The following PTGR1 variants were observed in gnomAD, a reference collection of about 807,000 sequenced individuals.
PTGR1 encodes the protein prostaglandin reductase 1.
Under a neutral mutation model 37.7 loss-of-function variants are expected in PTGR1, and 23 were observed. That is an observed-to-expected ratio of 0.61 (90% CI 0.44 to 0.86). The LOEUF is 0.86. Among genes scored for constraint, PTGR1 ranks in the 40% least tolerant of loss-of-function variants. The pLI, the probability that PTGR1 is intolerant of heterozygous loss-of-function variation, is 0.00. For synonymous variants in PTGR1, 134 were observed against 140.0 expected, an observed-to-expected ratio of 0.96 and a Z score of 0.30; for missense variants, 351 against 394.3, an observed-to-expected ratio of 0.89 and a Z score of 0.93.
chr9:111,574,967 C>T, intron 7 of PTGR1, 125 bp from the exon 8 acceptor site: 1 of 735,756 alleles, frequency 1.4e-6, no homozygotes, highest in Non-Finnish European at 2.2e-6. Context: ...TGAATTAGCC[C>T]AACAGTGCAG....
intron 6 of PTGR1, among the ~76,000 whole-genome samples, chr9:111,579,610 C>T (rs2132397278): frequency 1.3e-5 from 2 of 152,206 alleles, no homozygotes; most frequent in Admixed American, 1.3e-4. Flanking sequence ...ATTGCCCAGG[C>T]TGATCTCGAA....
chr9:111,569,986 A>G (rs1828735639), intron 9 of PTGR1, 105 bp downstream of exon 9: 1 of 1,546,054 alleles, frequency 6.5e-7, no homozygotes, highest in Admixed American at 1.9e-5. Flanking sequence ...GGAAAAACTG[A>G]CGATGCGGCA....
intron 4 of PTGR1, 53 bp downstream of exon 4, chr9:111,592,873 G>C (rs973673789): frequency 6.3e-7 from 1 of 1,581,486 alleles, no homozygotes. Flanking sequence ...GACCCAGCAG[G>C]AGGTAAAGAG....
intron 9 of PTGR1, among the ~76,000 whole-genome samples, chr9:111,553,400 T>C (rs1036011892): frequency 1.3e-5 from 2 of 152,220 alleles, no homozygotes; most frequent in African/African-American, 4.8e-5. Flanking sequence ...AAAATAATTA[T>C]AATGAAAATA....
intron 5 of PTGR1, 88 bp from the exon 6 acceptor site, chr9:111,583,677 G>T: frequency 9.4e-7 from 1 of 1,063,824 alleles, no homozygotes; most frequent in Non-Finnish European, 1.4e-6. Context: ...CTTCTCAGTG[G>T]CCCAGTGCCA....
rs370218983 is a variant in PTGR1, at chr9:111,583,995, G to A, written c.378-406C>T. 3.3e-5 allele frequency among the ~76,000 whole-genome samples: 5 copies of A among 152,200 alleles called. No homozygotes were observed. The East Asian group carries it at 7.7e-4, about 23-fold the overall frequency. ...GTTATCATGGCGACATAGCCACAGA[G>A]TAGCTACAATGCTGTGATATTAGGC... On this transcript the variant is annotated intron_variant, in intron 5 of 9. Transcript: ENST00000407693.
intron 8 of PTGR1, among the ~76,000 whole-genome samples, 186 bp downstream of exon 8, chr9:111,574,548 C>T (rs1219201358): frequency 6.6e-6 from 1 of 151,112 alleles, no homozygotes; most frequent in Non-Finnish European, 1.5e-5. Flanking sequence ...GGCATTTTGC[C>T]ATGTTGCCCA....
At chr9:111,576,272 TG>T in intron 7 of PTGR1, 2 of 1,309,624 alleles carry the variant, frequency 1.5e-6, no homozygotes, top group East Asian at 4.6e-5. Flanking sequence ...TCATTATTAG[TG>T]GATTTCATAT....
rs535194331 is a variant in PTGR1, at chr9:111,568,097, G to A, written c.879+1994C>T. On this transcript the variant is annotated intron_variant, in intron 9 of 9. Transcript: ENST00000407693. The stretch of plus-strand genomic sequence containing the variant: ...TCTTGAAAAAGAACAGAATAACAGC[G>A]ATTTTCAGGGAACAAGGGAAGACAA... Among the ~76,000 whole-genome samples, 5 of 152,224 alleles carry A rather than the reference G, an allele frequency of 3.3e-5. No homozygotes were observed. In the East Asian group the frequency reaches 5.8e-4, roughly 18 times the overall value.
At chr9:111,568,231 T>C (rs1054366596) in intron 9 of PTGR1, among the ~76,000 whole-genome samples, 2 of 152,180 alleles carry the variant, frequency 1.3e-5, no homozygotes, top group Non-Finnish European at 1.5e-5. Context: ...CTAAATTCTT[T>C]TCCTAGCAAG....
intron 5 of PTGR1, 35 bp from the exon 6 acceptor site, chr9:111,583,624 T>C (rs1445418127): frequency 6.7e-7 from 1 of 1,493,904 alleles, no homozygotes; most frequent in South Asian, 1.1e-5. Context: ...ATGAATAGAG[T>C]TGTTTCTTTC....
At chr9:111,575,770 G>T (rs1476058486) in intron 7 of PTGR1, among the ~76,000 whole-genome samples, 1 of 151,898 alleles carries the variant, frequency 6.6e-6, no homozygotes, top group African/African-American at 2.4e-5. Flanking sequence ...AGACCTGAAT[G>T]TAACAGCTAA....
At chr9:111,561,090 TATATATATATATATATATATAGAG>T (rs1828285928), downstream of PTGR1, among the ~76,000 whole-genome samples, 1 of 24,384 alleles carries the variant, frequency 4.1e-5, no homozygotes, top group Non-Finnish European at 7.3e-5. Flanking sequence ...CTAAAATATA[TATATATATATATATATATATAGAG>T]AGAGAGAGAG....
downstream of PTGR1, among the ~76,000 whole-genome samples, chr9:111,562,182 G>C (rs771693115): frequency 5.3e-5 from 8 of 149,834 alleles, no homozygotes; most frequent in Non-Finnish European, 1.0e-4. Context: ...CTATGCTGGT[G>C]TTTTAAATAA....
chr9:111,570,252 G>T (rs1410290986), intron 8 of PTGR1, 43 bp from the exon 9 acceptor site: 1 of 1,585,196 alleles, frequency 6.3e-7, no homozygotes, highest in Admixed American at 1.8e-5. Flanking sequence ...ATCCAGGGAG[G>T]TGCCCATGGT....
At chr9:111,597,083 A>T (rs1468761739) in intron 2 of PTGR1, among the ~76,000 whole-genome samples, 1 of 152,186 alleles carries the variant, frequency 6.6e-6, no homozygotes, top group East Asian at 1.9e-4. Context: ...CCCAACAGAA[A>T]GCCTGCTAAT....
chr9:111,561,102 T>G (rs551053682), downstream of PTGR1, among the ~76,000 whole-genome samples: 31 of 29,340 alleles, frequency 1.1e-3, 3 homozygotes, highest in Admixed American at 1.9e-3. Context: ...TATATATATA[T>G]ATATATATAG....
intron 7 of PTGR1, chr9:111,575,399 C>T (rs1829015287): frequency 1.3e-5 from 2 of 152,248 alleles, no homozygotes; most frequent in Admixed American, 1.3e-4. Flanking sequence ...TATTGAGGTT[C>T]TCTGATCAGT....
At position 111,570,131 on chromosome 9, in the gene PTGR1, C is replaced by T. The variant is rs770310571; in HGVS notation, c.839G>A (p.Arg280His). ...FVVYRWQGDA[R>H]QKALKDLLKW... is the part of the protein sequence containing the mutation. ...CAGCAAGTCCTTCAGAGCTTTTTGGCGGGCATCTCCTTGCCAGCGGTAGAC... is the reference window on the plus strand; with the variant it reads ...CAGCAAGTCCTTCAGAGCTTTTTGGTGGGCATCTCCTTGCCAGCGGTAGAC... Residue 280 changes from arginine to histidine, a missense_variant, in exon 9 of 10, where the codon CGC (arginine) becomes CAC (histidine). Coordinates refer to ENST00000407693, the MANE Select transcript of PTGR1 (RefSeq NM_001146108.2). The T allele has an allele frequency of 1.7e-5, 27 of 1,613,918 alleles. No homozygotes were observed. Among genetic ancestry groups the T allele is most frequent in the Non-Finnish European group, 2.0e-5 (24 of 1,179,978 alleles).
Sources: allele counts gnomAD v4.1 joint callset (sites outside exome capture counted in the v4.1 genomes callset), GRCh38; gene constraint gnomAD v4.1.1; transcripts MANE v1.5; gene names NCBI Gene and HGNC (gene_info 2026-07-23, HGNC 2026-07-21).